Variants in PVT1 observed in about 807,000 individuals in gnomAD.
PVT1 encodes CXCR4/PVT1 fusion.
chr8:127,951,765 G>A (rs1177802218), intron 3 of PVT1, among the ~76,000 whole-genome samples: 1 of 151,716 alleles, frequency 6.6e-6, no homozygotes, highest in East Asian at 1.9e-4. Context: ...TGATCCCAAA[G>A]CCTCCCTTCT....
rs573721074 is a variant in PVT1 at position 127,950,614 on chromosome 8, G to A, written n.783-38548G>A. On this transcript the variant is annotated intron_variant and non_coding_transcript_variant, in intron 3 of 10. Coordinates refer to ENST00000651587, the Ensembl canonical transcript of PVT1. The stretch of plus-strand genomic sequence containing the variant: ...AGAAAAGCTGATTGGGGGATGGGAA[G>A]AGACAGCTGGCAGTCACTTAGGAGA... 6.6e-5 allele frequency among the ~76,000 whole-genome samples: 10 copies of A among 152,342 alleles called. 1 individual carries two copies. The South Asian group carries it at 1.9e-3, about 28-fold the overall frequency.
chr8:128,024,171 G>A (rs1563668481), intron 4 of PVT1, among the ~76,000 whole-genome samples: 1 of 152,202 alleles, frequency 6.6e-6, no homozygotes, highest in Non-Finnish European at 1.5e-5. Context: ...ATCAATGAAG[G>A]AATTGCACCT....
intron 4 of PVT1, among the ~76,000 whole-genome samples, chr8:128,039,089 A>T (rs1813499687): frequency 6.6e-6 from 1 of 152,118 alleles, no homozygotes; most frequent in Non-Finnish European, 1.5e-5. Context: ...TGGCCACTGG[A>T]AGGCTTTCTT....
At chr8:127,972,849 C>T (rs1013991659) in intron 3 of PVT1, among the ~76,000 whole-genome samples, 6 of 152,172 alleles carry the variant, frequency 3.9e-5, no homozygotes, top group African/African-American at 1.4e-4. Context: ...CTTCTTGAAG[C>T]TCCCAGGTGA....
chr8:128,012,751 A>C (rs1305241552), intron 4 of PVT1, among the ~76,000 whole-genome samples: 1 of 152,132 alleles, frequency 6.6e-6, no homozygotes, highest in African/African-American at 2.4e-5. Context: ...TACCTTGTAA[A>C]CAAGTCACTC....
At chr8:127,954,757 C>A (rs936578446) in intron 3 of PVT1, among the ~76,000 whole-genome samples, 1 of 152,116 alleles carries the variant, frequency 6.6e-6, no homozygotes, top group Non-Finnish European at 1.5e-5. Flanking sequence ...TTCGTGGATT[C>A]CTCCATGAAG....
chr8:127,917,125 A>G (rs7387606), intron 3 of PVT1, among the ~76,000 whole-genome samples: 48,282 of 151,898 alleles, frequency 0.32, 8,094 homozygotes, highest in Middle Eastern at 0.44. Context: ...GTCTAGAGTA[A>G]ATGTGTTTGA....
chr8:127,798,370 C>T (rs571896314), intron 2 of PVT1, among the ~76,000 whole-genome samples: 20 of 151,978 alleles, frequency 1.3e-4, no homozygotes, highest in African/African-American at 4.6e-4. Flanking sequence ...GTGTGTCCCC[C>T]ACCCTCACCG....
chr8:127,849,420 A>G (rs1815077421), intron 2 of PVT1, among the ~76,000 whole-genome samples: 1 of 152,148 alleles, frequency 6.6e-6, no homozygotes, highest in Admixed American at 6.6e-5. Flanking sequence ...AGCTTTCGAA[A>G]CAAGGTGTTC....
At chr8:128,014,987 C>T (rs1136395) in intron 4 of PVT1, among the ~76,000 whole-genome samples, 1 of 152,022 alleles carries the variant, frequency 6.6e-6, no homozygotes, top group Non-Finnish European at 1.5e-5. Flanking sequence ...AGTTGTGTAT[C>T]CTTGTCAAGT....
At chr8:127,991,519 C>T (rs1480664641) in intron 4 of PVT1, among the ~76,000 whole-genome samples, 1 of 152,126 alleles carries the variant, frequency 6.6e-6, no homozygotes, top group Non-Finnish European at 1.5e-5. Context: ...CAGCTGATCC[C>T]CATGCCCTGC....
rs117077299 is a variant in PVT1 at position 127,957,325 on chromosome 8, A to G, written n.783-31837A>G. Reference sequence around the variant, plus strand: ...GGCTCATGCCTGTAATTCCAGCACTATGCGAGACCGAGGTGGGCAGATCAC... The same window carrying G: ...GGCTCATGCCTGTAATTCCAGCACTGTGCGAGACCGAGGTGGGCAGATCAC... On this transcript the variant is annotated intron_variant and non_coding_transcript_variant, in intron 3 of 10. Coordinates refer to ENST00000651587, the Ensembl canonical transcript of PVT1. Among the ~76,000 whole-genome samples the G allele has an allele frequency of 1.4e-3, 219 of 152,268 alleles. 6 individuals carry two copies. In the East Asian group the frequency reaches 0.037, roughly 26 times the overall value.
At chr8:127,838,154 C>T (rs1224625618) in intron 2 of PVT1, among the ~76,000 whole-genome samples, 1 of 152,026 alleles carries the variant, frequency 6.6e-6, no homozygotes, top group Non-Finnish European at 1.5e-5. Context: ...ACCTCGGCCT[C>T]CCAAAGTGCT....
At chr8:127,897,753 G>A (rs967484431) in intron 3 of PVT1, among the ~76,000 whole-genome samples, 1 of 150,016 alleles carries the variant, frequency 6.7e-6, no homozygotes, top group Non-Finnish European at 1.5e-5. Flanking sequence ...TCATTATTCT[G>A]TCCTCTGAAC....
chr8:128,018,531 G>T (rs138059109), intron 4 of PVT1, among the ~76,000 whole-genome samples: 1,910 of 152,318 alleles, frequency 0.013, 33 homozygotes, highest in African/African-American at 0.044. Context: ...AAGAGTGCTG[G>T]AGAAATGCCA....
intron 3 of PVT1, among the ~76,000 whole-genome samples, chr8:127,983,456 CTTG>C (rs1443233263): frequency 2.0e-5 from 3 of 152,172 alleles, no homozygotes; most frequent in Non-Finnish European, 2.9e-5. Flanking sequence ...TTCTCGCCCT[CTTG>C]TTCTGTAGCT....
At chr8:127,862,181 G>A (rs1176522088) in intron 2 of PVT1, among the ~76,000 whole-genome samples, 2 of 152,202 alleles carry the variant, frequency 1.3e-5, no homozygotes, top group East Asian at 1.9e-4. Flanking sequence ...GTCGAGGTGG[G>A]TGGATCACTT....
intron 3 of PVT1, among the ~76,000 whole-genome samples, chr8:127,925,902 A>G (rs1201699544): frequency 6.6e-6 from 1 of 152,192 alleles, no homozygotes; most frequent in African/African-American, 2.4e-5. Flanking sequence ...CGGGCTCCCA[A>G]AGTGCTGGGA....
intron 3 of PVT1, among the ~76,000 whole-genome samples, chr8:127,959,615 C>T (rs66561647): frequency 0.28 from 40,590 of 145,664 alleles, 6,183 homozygotes; most frequent in Non-Finnish European, 0.34. Flanking sequence ...AAAAAAGACC[C>T]AGTGCCTACC....
Sources: gnomAD v4.1 joint callset for allele counts (sites outside exome capture counted in the v4.1 genomes callset) on GRCh38, gnomAD v4.1.1 for gene constraint, MANE v1.5 for transcripts, NCBI Gene and HGNC (gene_info 2026-07-23, HGNC 2026-07-21) for gene names.